INPP5A: variants seen among roughly 807,000 people sequenced by gnomAD.
The protein encoded by INPP5A is 43 kDa inositol polyphosphate 5-phophatase.
A neutral mutation model predicts 65.2 loss-of-function variants in INPP5A; 14 were observed. The ratio of observed to expected loss-of-function variants is 0.21; its 90% CI spans 0.14 to 0.34. The LOEUF is 0.34. INPP5A is among the 10% of genes least tolerant of loss of function. INPP5A has a pLI of 1.00. For synonymous variants in INPP5A, 207 were observed against 208.3 expected (o/e 0.99, Z 0.05); for missense variants, 431 against 545.6 (o/e 0.79, Z 2.09).
chr10:132,548,625 C>T (rs1256667882), intron 1 of INPP5A, among the ~76,000 whole-genome samples: 1 of 152,188 alleles, frequency 6.6e-6, no homozygotes, highest in Non-Finnish European at 1.5e-5. Flanking sequence ...CTGCTCCCGG[C>T]CCTGGGCCAC....
chr10:132,775,577 T>C (rs1421100390), intron 12 of INPP5A, among the ~76,000 whole-genome samples: 1 of 152,052 alleles, frequency 6.6e-6, no homozygotes, highest in Admixed American at 6.5e-5. Context: ...CCCCTGGCTG[T>C]GGATTAAGGG....
Position 132,773,481 on chromosome 10 carries a change from C to T in INPP5A, c.978-4190C>T, listed in dbSNP as rs371038687. Among the ~76,000 whole-genome samples the T allele has an allele frequency of 1.4e-4, 21 of 152,320 alleles. No homozygotes were observed. In the East Asian group the frequency reaches 2.7e-3, roughly 20 times the overall value. On this transcript the variant is annotated intron_variant, in intron 12 of 15. Transcript: ENST00000368594. ...TATTTTTAAATTAGGGATTAGGAGG[C>T]CCCTTTCAAACTTTCCGTGGGCCAT...
At chr10:132,630,800 C>T (rs1459445036) in intron 2 of INPP5A, among the ~76,000 whole-genome samples, 8 of 109,998 alleles carry the variant, frequency 7.3e-5, no homozygotes, top group African/African-American at 2.0e-4. Context: ...CGGGAGGCGG[C>T]GGGGGCGGCG....
At position 132,726,634 on chromosome 10, in the gene INPP5A, G is replaced by A. The variant is rs529886415; in HGVS notation, c.648-187G>A. Among the ~76,000 whole-genome samples, 6 of 152,266 alleles carry A rather than the reference G, an allele frequency of 3.9e-5. No homozygotes were observed. The East Asian group carries it at 1.2e-3, about 29-fold the overall frequency. On this transcript the variant is annotated intron_variant, in intron 8 of 15. Transcript: ENST00000368594. ...TGCCAAGGGCTGAGCACTGCTCAGTGGACCTCTATTGGGGGTGGTCTCAGA... is the reference window on the plus strand; with the variant it reads ...TGCCAAGGGCTGAGCACTGCTCAGTAGACCTCTATTGGGGGTGGTCTCAGA...
intron 9 of INPP5A, among the ~76,000 whole-genome samples, chr10:132,733,789 T>C (rs1203091417): frequency 6.6e-6 from 1 of 152,220 alleles, no homozygotes; most frequent in East Asian, 1.9e-4. Context: ...TGCCGGCCTC[T>C]GCACCTGAAC....
At position 132,678,753 on chromosome 10, in the gene INPP5A, T is replaced by C. The variant is rs1285374530; in HGVS notation, c.307-11639T>C. Among the ~76,000 whole-genome samples the C allele has an allele frequency of 6.6e-6, 1 of 152,196 alleles. No individual in the cohort carries two copies. Among genetic ancestry groups the C allele is most frequent in the Non-Finnish European group, 1.5e-5 (1 of 68,042 alleles). On this transcript the variant is annotated intron_variant, in intron 4 of 15. Coordinates refer to ENST00000368594, the MANE Select transcript of INPP5A (RefSeq NM_005539.5). The surrounding 1 kb of genome is among the most constrained non-coding windows in gnomAD (Gnocchi z 4.1). ...ATGAGGAAACCAGTGAGTGCTGGAA[T>C]ATGCAGCACCTTGAAGGAAAGGCTG...
chr10:132,656,449 C>T (rs2072657883), intron 4 of INPP5A, among the ~76,000 whole-genome samples: 1 of 152,240 alleles, frequency 6.6e-6, no homozygotes, highest in Non-Finnish European at 1.5e-5. Flanking sequence ...CTGCCCCCGC[C>T]AGCTGTGCCT....
chr10:132,645,733 T>C (rs969925123), intron 2 of INPP5A, 135 bp from the exon 3 acceptor site: 1 of 612,414 alleles, frequency 1.6e-6, no homozygotes, highest in South Asian at 1.9e-5. Flanking sequence ...CCAGAACCCA[T>C]GGTCGCAGAC....
At chr10:132,739,657 G>A (rs1279474664) in intron 9 of INPP5A, among the ~76,000 whole-genome samples, 48 of 152,222 alleles carry the variant, frequency 3.2e-4, no homozygotes, top group Non-Finnish European at 5.9e-5. Context: ...CGGGTGAGTC[G>A]CACTCTCGCT....
At position 132,717,569 on chromosome 10, in the gene INPP5A, C is replaced by T. The variant is rs546628075; in HGVS notation, c.647+7113C>T. On this transcript the variant is annotated intron_variant, in intron 8 of 15. Coordinates refer to ENST00000368594, the MANE Select transcript of INPP5A (RefSeq NM_005539.5). ...GTGGTACCTGGGTTCTGTCTGAGGG[C>T]GCCTTAGACGGCTGTCTTGTGGGTT... Among the ~76,000 whole-genome samples, 15 of 151,240 alleles carry T rather than the reference C, an allele frequency of 9.9e-5. No individual in the cohort carries two copies. In the East Asian group the frequency reaches 2.1e-3, roughly 21 times the overall value.
At chr10:132,718,442 C>T (rs527502290) in intron 8 of INPP5A, among the ~76,000 whole-genome samples, 5 of 148,406 alleles carry the variant, frequency 3.4e-5, no homozygotes, top group South Asian at 2.2e-4. Flanking sequence ...TCTGTCTGGG[C>T]GCCTTAGACG....
chr10:132,718,168 C>G (rs1845779213), intron 8 of INPP5A, among the ~76,000 whole-genome samples: 1 of 143,520 alleles, frequency 7.0e-6, no homozygotes, highest in East Asian at 2.1e-4. Flanking sequence ...TTCTGTGGTA[C>G]CTGGGTTCTG....
rs1176842145 is a variant in INPP5A at position 132,573,551 on chromosome 10, G to T, written c.76-34364G>T. ...AGGTTTTGTTGATGTTGGGTTGTGTGTGCTGTGGGAGGTTTTGTTGAGATG... is the reference window on the plus strand; with the variant it reads ...AGGTTTTGTTGATGTTGGGTTGTGTTTGCTGTGGGAGGTTTTGTTGAGATG... On this transcript the variant is annotated intron_variant, in intron 1 of 15. Coordinates refer to ENST00000368594, the MANE Select transcript of INPP5A (RefSeq NM_005539.5). Among the ~76,000 whole-genome samples, 3 of 143,314 alleles carry T rather than the reference G, an allele frequency of 2.1e-5. No homozygotes were observed. The East Asian group carries it at 6.2e-4, about 30-fold the overall frequency. The allele number at this position is 143,314 out of a possible 152,430, so 94.0% of individuals were successfully genotyped here.
At chr10:132,612,139 A>G in intron 2 of INPP5A, among the ~76,000 whole-genome samples, 1 of 134,780 alleles carries the variant, frequency 7.4e-6, no homozygotes, top group East Asian at 2.3e-4. Flanking sequence ...AGGGTGAGGG[A>G]GGTTATGAGT....
intron 1 of INPP5A, among the ~76,000 whole-genome samples, chr10:132,539,345 C>T (rs1030994074): frequency 1.1e-4 from 17 of 152,294 alleles, no homozygotes; most frequent in African/African-American, 4.1e-4. Context: ...CTGTAAAGCA[C>T]TGTAGGACTT....
At chr10:132,654,858 G>A (rs2072632463) in intron 4 of INPP5A, among the ~76,000 whole-genome samples, 1 of 152,248 alleles carries the variant, frequency 6.6e-6, no homozygotes, top group African/African-American at 2.4e-5. Flanking sequence ...ACGCGGCTGA[G>A]GGGCTTTGAG....
intron 4 of INPP5A, among the ~76,000 whole-genome samples, chr10:132,658,852 C>T (rs1019610085): frequency 6.6e-6 from 1 of 152,210 alleles, no homozygotes; most frequent in Admixed American, 6.5e-5. Flanking sequence ...CCACCAAGGC[C>T]GCCGGCTGCT....
chr10:132,670,604 C>A (rs540370568), intron 4 of INPP5A, among the ~76,000 whole-genome samples: 2 of 151,642 alleles, frequency 1.3e-5, no homozygotes, highest in East Asian at 4.0e-4. Context: ...TCCCCTGCCC[C>A]TCTGCTGCCC....
At chr10:132,661,447 A>C (rs942179939) in intron 4 of INPP5A, among the ~76,000 whole-genome samples, 2 of 152,254 alleles carry the variant, frequency 1.3e-5, no homozygotes, top group African/African-American at 4.8e-5. Flanking sequence ...AGCATCAAAA[A>C]TATGAAATAT....
Sources: allele counts gnomAD v4.1 joint callset (sites outside exome capture counted in the v4.1 genomes callset), GRCh38; gene constraint gnomAD v4.1.1; non-coding constraint Gnocchi (gnomAD v3.1); transcripts MANE v1.5; gene names NCBI Gene and HGNC (gene_info 2026-07-23, HGNC 2026-07-21).